Variants in NWD2 observed in about 807,000 individuals in gnomAD.
NWD2 encodes the protein NACHT and WD repeat domain-containing protein 2.
NWD2 carries 37 observed loss-of-function variants against 132.7 expected under a neutral mutation model. That is an observed-to-expected ratio of 0.28 (90% confidence interval 0.21 to 0.37). NWD2 has a LOEUF of 0.37. Ranked by LOEUF, NWD2 falls within the 10% of genes least tolerant of loss-of-function variation. The probability of loss-of-function intolerance (pLI) is 1.00; values close to 1 mark genes in which losing one functional copy is unlikely to be tolerated. For missense variants in NWD2, 1,592 were observed against 2,122.4 expected, an observed-to-expected ratio of 0.75 and a Z score of 4.91; for synonymous variants, 705 against 803.0, an observed-to-expected ratio of 0.88 and a Z score of 2.06.
At chr4:37,394,244 C>T (rs536357484) in intron 3 of NWD2, among the ~76,000 whole-genome samples, 29 of 152,214 alleles carry the variant, frequency 1.9e-4, no homozygotes, top group Admixed American at 5.9e-4. Flanking sequence ...TTCTTCTTTG[C>T]CATATTTTCT....
Position 37,414,163 on chromosome 4 carries a change from G to A in NWD2, c.358-16409G>A, listed in dbSNP as rs528388088. On this transcript the variant is annotated intron_variant, in intron 3 of 6. Coordinates refer to ENST00000309447, the MANE Select transcript of NWD2 (RefSeq NM_001144990.2). ...GAAATTATCCTTAATTCTACTGAATGTAATAGTATCGTTAGGATTACATTA... is the reference window on the plus strand; with the variant it reads ...GAAATTATCCTTAATTCTACTGAATATAATAGTATCGTTAGGATTACATTA... Among the ~76,000 whole-genome samples, 60 of 152,220 alleles carry A rather than the reference G, an allele frequency of 3.9e-4. 1 individual carries two copies. The highest frequency in any genetic ancestry group is 1.3e-3 in the African/African-American group (56 of 41,526).
intron 2 of NWD2, among the ~76,000 whole-genome samples, chr4:37,334,366 T>A (rs978329051): frequency 3.3e-5 from 5 of 152,198 alleles, no homozygotes; most frequent in Admixed American, 6.5e-5. Context: ...ACGTAAATAA[T>A]CCATGCCAGT....
rs565059178 is a variant in NWD2, at chr4:37,356,318, A to C, written c.241-48A>C. 54 of 1,029,948 alleles carry C rather than the reference A, an allele frequency of 5.2e-5. 1 individual carries two copies. The African/African-American group carries it at 7.5e-4, about 14-fold the overall frequency. The allele number at this position is 1,029,948 out of a possible 1,614,324, so 63.8% of individuals were successfully genotyped here. ...CACATTAGCTTGACATTGTAAATAA[A>C]AACAAAGCCCACATGTAAACTAATG... On this transcript the variant is annotated intron_variant, in intron 2 of 6. Transcript: ENST00000309447.
intron 3 of NWD2, among the ~76,000 whole-genome samples, chr4:37,366,908 C>T (rs896747379): frequency 2.0e-5 from 3 of 152,016 alleles, no homozygotes; most frequent in African/African-American, 2.4e-5. Flanking sequence ...AAACATCTTT[C>T]GGTATCTAAG....
Position 37,325,188 on chromosome 4 carries a change from C to T in NWD2, c.152-748C>T, listed in dbSNP as rs78683889. Among the ~76,000 whole-genome samples the T allele has an allele frequency of 4.1e-3, 625 of 152,232 alleles. 1 individual carries two copies. Among genetic ancestry groups the T allele is most frequent in the African/African-American group, 0.014 (592 of 41,548 alleles). On this transcript the variant is annotated intron_variant, in intron 1 of 6. Transcript: ENST00000309447. Reference sequence around the variant, plus strand: ...CAAAACATTCGACATTAAATGCATACATGTTTTGTGATTCTTCGAGCTTCA... The same window carrying T: ...CAAAACATTCGACATTAAATGCATATATGTTTTGTGATTCTTCGAGCTTCA...
At chr4:37,409,764 G>A (rs1042546795) in intron 3 of NWD2, among the ~76,000 whole-genome samples, 6 of 152,072 alleles carry the variant, frequency 3.9e-5, no homozygotes, top group South Asian at 2.1e-4. Context: ...GAGAAAGGTC[G>A]GGTTACCCAC....
At chr4:37,422,314 A>T (rs1330234365) in intron 3 of NWD2, among the ~76,000 whole-genome samples, 1 of 152,140 alleles carries the variant, frequency 6.6e-6, no homozygotes, top group Non-Finnish European at 1.5e-5. Flanking sequence ...TATAAAGGTG[A>T]CTCTGCACAT....
At chr4:37,280,586 A>G (rs1337740823) in intron 1 of NWD2, among the ~76,000 whole-genome samples, 3 of 152,164 alleles carry the variant, frequency 2.0e-5, no homozygotes, top group Non-Finnish European at 4.4e-5. Flanking sequence ...GATTGAAACA[A>G]CATTATTTAA....
chr4:37,302,472 T>G (rs1718629848), intron 1 of NWD2, among the ~76,000 whole-genome samples: 1 of 152,108 alleles, frequency 6.6e-6, no homozygotes, highest in South Asian at 2.1e-4. Context: ...TTTGGATAAA[T>G]CCCAGTAGTG....
intron 3 of NWD2, among the ~76,000 whole-genome samples, chr4:37,381,472 A>T (rs530494502): frequency 6.6e-6 from 1 of 152,268 alleles, no homozygotes; most frequent in African/African-American, 2.4e-5. Context: ...TGCCACCTGG[A>T]GTGCGAGGAG....
At chr4:37,252,789 A>G (rs904126690) in intron 1 of NWD2, among the ~76,000 whole-genome samples, 1 of 152,176 alleles carries the variant, frequency 6.6e-6, no homozygotes, top group African/African-American at 2.4e-5. Context: ...TGGCTTCCTC[A>G]GAGAAAGGAA....
intron 4 of NWD2, 56 bp downstream of exon 4, chr4:37,430,831 T>G (rs751894863): frequency 4.4e-5 from 64 of 1,444,844 alleles, no homozygotes; most frequent in Non-Finnish European, 5.7e-5. Context: ...TTTGTTACCA[T>G]TTATGTCATC....
chr4:37,362,956 A>G (rs1560404488), intron 3 of NWD2, among the ~76,000 whole-genome samples: 1 of 152,216 alleles, frequency 6.6e-6, no homozygotes, highest in Non-Finnish European at 1.5e-5. Flanking sequence ...AACTTAAACA[A>G]TGGAAGAAGC....
chr4:37,377,094 G>A (rs901281610), intron 3 of NWD2, among the ~76,000 whole-genome samples: 4 of 152,290 alleles, frequency 2.6e-5, no homozygotes, highest in South Asian at 4.1e-4. Context: ...AGCTTTTAGA[G>A]ATTAAACTGT....
chr4:37,294,062 C>G (rs1034697792), intron 1 of NWD2, among the ~76,000 whole-genome samples: 1 of 152,056 alleles, frequency 6.6e-6, no homozygotes, highest in African/African-American at 2.4e-5. Flanking sequence ...GTCCCCACCC[C>G]CCTACTCCTT....
chr4:37,315,840 A>G (rs760839009), intron 1 of NWD2, among the ~76,000 whole-genome samples: 6 of 151,892 alleles, frequency 4.0e-5, no homozygotes, highest in Non-Finnish European at 7.4e-5. Context: ...TTTTCAGGTT[A>G]TATTCTTACT....
At chr4:37,437,082 A>C (rs887632244) in intron 5 of NWD2, among the ~76,000 whole-genome samples, 1 of 152,132 alleles carries the variant, frequency 6.6e-6, no homozygotes, top group Non-Finnish European at 1.5e-5. Context: ...TTTAAATAAA[A>C]TTCTCACCCT....
At chr4:37,316,503 G>A (rs186635750) in intron 1 of NWD2, among the ~76,000 whole-genome samples, 5 of 152,198 alleles carry the variant, frequency 3.3e-5, no homozygotes, top group Admixed American at 3.3e-4. Flanking sequence ...TTCTTTGGAT[G>A]TGTAGATTTA....
At chr4:37,267,030 T>G (rs1717766508) in intron 1 of NWD2, among the ~76,000 whole-genome samples, 1 of 151,726 alleles carries the variant, frequency 6.6e-6, no homozygotes, top group Non-Finnish European at 1.5e-5. Flanking sequence ...GAAAGATGAG[T>G]CGAATTTACG....
Sources: allele counts gnomAD v4.1 joint callset (sites outside exome capture counted in the v4.1 genomes callset), GRCh38; gene constraint gnomAD v4.1.1; transcripts MANE v1.5; gene names NCBI Gene and HGNC (gene_info 2026-07-23, HGNC 2026-07-21).